The following NAALADL2 variants were observed in gnomAD, a reference collection of about 807,000 sequenced individuals.
The protein encoded by NAALADL2 is inactive N-acetylated-alpha-linked acidic dipeptidase-like protein 2.
A neutral mutation model predicts 87.2 loss-of-function variants in NAALADL2; 76 were observed. The observed-to-expected ratio is 0.87, with a 90% CI of 0.72 to 1.05. The LOEUF is 1.05. Among genes scored for constraint, NAALADL2 ranks in the 50% least tolerant of loss-of-function variants. The pLI is 0.00. For missense variants in NAALADL2, 1,089 were observed against 945.8 expected (o/e 1.15, Z -1.99); for synonymous variants, 354 against 331.0 (o/e 1.07, Z -0.75).
At chr3:174,468,600 C>G (rs141662119) in intron 1 of NAALADL2, among the ~76,000 whole-genome samples, 10 of 151,520 alleles carry the variant, frequency 6.6e-5, no homozygotes, top group Non-Finnish European at 1.5e-5. Flanking sequence ...AGGCTGATCT[C>G]GAACTCCTGA....
intron 2 of NAALADL2, among the ~76,000 whole-genome samples, chr3:174,669,039 G>C (rs980953979): frequency 1.3e-5 from 2 of 152,198 alleles, no homozygotes; most frequent in African/African-American, 2.4e-5. Context: ...CCCACCAACA[G>C]TGTAAAAGTG....
At chr3:174,987,257 T>C (rs1371503450) in intron 1 of NAALADL2, among the ~76,000 whole-genome samples, 1 of 152,144 alleles carries the variant, frequency 6.6e-6, no homozygotes, top group African/African-American at 2.4e-5. Flanking sequence ...GTAAAATACC[T>C]ATATTTTTCC....
At chr3:174,557,299 A>G (rs1304511486) in intron 2 of NAALADL2, among the ~76,000 whole-genome samples, 1 of 152,218 alleles carries the variant, frequency 6.6e-6, no homozygotes, top group Non-Finnish European at 1.5e-5. Context: ...TTATTTTTAA[A>G]CTACTATGAA....
At chr3:175,131,930 C>T (rs1437295839) in intron 2 of NAALADL2, among the ~76,000 whole-genome samples, 44 of 116,456 alleles carry the variant, frequency 3.8e-4, no homozygotes, top group Admixed American at 7.4e-4. Context: ...CTCCTCACTT[C>T]CCAGTAGGGG....
rs553954529 is a variant in NAALADL2 at position 174,586,462 on chromosome 3, G to A, written c.-115+35825G>A. Among the ~76,000 whole-genome samples the A allele has an allele frequency of 3.2e-4, 48 of 152,268 alleles. No individual in the cohort carries two copies. In the South Asian group the frequency reaches 9.1e-3, roughly 29 times the overall value. ...ATGGCACCGGGTTCAACAGACTGAC[G>A]AAGAGACCCAGAACCAGCGACGAGA... On this transcript the variant is annotated intron_variant, in intron 2 of 3. Transcript: ENST00000434257.
At chr3:175,570,367 A>G (rs1717872669) in intron 9 of NAALADL2, among the ~76,000 whole-genome samples, 1 of 152,210 alleles carries the variant, frequency 6.6e-6, no homozygotes, top group African/African-American at 2.4e-5. Context: ...CATACTCAGA[A>G]TGATATTTGA....
At chr3:175,148,091 G>A (rs12696374) in intron 2 of NAALADL2, among the ~76,000 whole-genome samples, 62,816 of 110,006 alleles carry the variant, frequency 0.57, 14,846 homozygotes, top group East Asian at 0.74. Context: ...TAATGATAAT[G>A]ATAATAATAA....
intron 6 of NAALADL2, among the ~76,000 whole-genome samples, chr3:175,450,984 A>G (rs1721478146): frequency 6.6e-6 from 1 of 152,164 alleles, no homozygotes; most frequent in Non-Finnish European, 1.5e-5. Context: ...GGAAGGGGTC[A>G]GATGAGTAAA....
chr3:174,855,296 A>G (rs1725727607), upstream of NAALADL2, among the ~76,000 whole-genome samples: 1 of 152,086 alleles, frequency 6.6e-6, no homozygotes, highest in Admixed American at 6.6e-5. Context: ...GGCGATAGGA[A>G]AATTTTGGCT....
chr3:175,701,983 G>A (rs1739058701), intron 11 of NAALADL2, among the ~76,000 whole-genome samples: 1 of 152,074 alleles, frequency 6.6e-6, no homozygotes, highest in African/African-American at 2.4e-5. Flanking sequence ...CCTGAATAAT[G>A]AACTTTAGCT....
chr3:175,581,398 C>T (rs768272017), intron 10 of NAALADL2, among the ~76,000 whole-genome samples: 3 of 152,126 alleles, frequency 2.0e-5, no homozygotes, highest in Non-Finnish European at 2.9e-5. Context: ...GCCGAGATGG[C>T]GCCACTGCAC....
At chr3:175,543,348 T>C (rs370975908) in intron 9 of NAALADL2, among the ~76,000 whole-genome samples, 3 of 152,296 alleles carry the variant, frequency 2.0e-5, no homozygotes, top group African/African-American at 7.2e-5. Flanking sequence ...ATATTATTAG[T>C]AATTAGGAAT....
intron 1 of NAALADL2, among the ~76,000 whole-genome samples, chr3:174,862,136 T>C (rs1232676636): frequency 6.6e-6 from 1 of 152,056 alleles, no homozygotes; most frequent in Non-Finnish European, 1.5e-5. Flanking sequence ...TTCTAAACGT[T>C]GCAAATATGA....
At chr3:174,474,587 G>A in intron 1 of NAALADL2, among the ~76,000 whole-genome samples, 1 of 152,056 alleles carries the variant, frequency 6.6e-6, no homozygotes, top group African/African-American at 2.4e-5. Context: ...TATGAAATCT[G>A]TACTTTTTTG....
intron 1 of NAALADL2, among the ~76,000 whole-genome samples, chr3:175,035,979 G>A (rs1238462943): frequency 6.6e-6 from 1 of 152,120 alleles, no homozygotes; most frequent in Non-Finnish European, 1.5e-5. Context: ...TATAGATGAG[G>A]CAAGTAAAGC....
At chr3:174,821,213 T>G (rs1721380803) in intron 3 of NAALADL2, among the ~76,000 whole-genome samples, 1 of 152,204 alleles carries the variant, frequency 6.6e-6, no homozygotes, top group South Asian at 2.1e-4. Flanking sequence ...TAGGTTTGTT[T>G]CCTGGAATTT....
At chr3:175,630,790 T>C (rs1343536782) in intron 11 of NAALADL2, among the ~76,000 whole-genome samples, 2 of 151,566 alleles carry the variant, frequency 1.3e-5, no homozygotes, top group African/African-American at 4.8e-5. Context: ...CATTCAGTTT[T>C]GAAATTTAAA....
At chr3:175,005,726 C>T (rs1347968209) in intron 1 of NAALADL2, among the ~76,000 whole-genome samples, 5 of 152,090 alleles carry the variant, frequency 3.3e-5, no homozygotes, top group Non-Finnish European at 7.4e-5. Context: ...ACAAATATAA[C>T]AATTTGGAAA....
At chr3:175,330,442 TAAAAAA>T (rs10711292) in intron 5 of NAALADL2, among the ~76,000 whole-genome samples, 1 of 147,600 alleles carries the variant, frequency 6.8e-6, no homozygotes, top group Admixed American at 6.8e-5. Flanking sequence ...GACTCTGTCT[TAAAAAA>T]AAAAAAATTG....
Sources: allele counts gnomAD v4.1 joint callset (sites outside exome capture counted in the v4.1 genomes callset), GRCh38; gene constraint gnomAD v4.1.1; transcripts MANE v1.5; gene names NCBI Gene and HGNC (gene_info 2026-07-23, HGNC 2026-07-21).